Variants in CHDH observed in about 807,000 individuals in gnomAD.
CHDH encodes the protein choline dehydrogenase, mitochondrial.
CHDH carries 43 observed loss-of-function variants against 56.9 expected under a neutral mutation model. That is an observed-to-expected ratio of 0.76 (90% CI 0.59 to 0.97). The LOEUF is 0.97. Ranked by LOEUF, CHDH falls within the 50% of genes least tolerant of loss-of-function variation. CHDH has a pLI of 0.00. For synonymous variants in CHDH, 364 were observed against 348.5 expected (o/e 1.04, Z -0.50); for missense variants, 816 against 821.1 (o/e 0.99, Z 0.08).
Position 53,818,160 on chromosome 3 carries a change from G to A in CHDH, c.1402C>T (p.Leu468Phe), listed in dbSNP as rs1345285791. 1 of 1,612,746 alleles carries A rather than the reference G, an allele frequency of 6.2e-7. No individual in the cohort carries two copies. The highest frequency in any genetic ancestry group is 1.7e-5 in the Admixed American group (1 of 59,774). Residue 468 changes from leucine (L) to phenylalanine (F), a missense_variant, in exon 9 of 9, where the codon CTC becomes TTC. Coordinates refer to ENST00000315251, the MANE Select transcript of CHDH (RefSeq NM_018397.5). ...DIEDFRLCVK[L>F]TREIFAQEAL... ...TCCTGTGCAAAAATTTCTCTGGTGA[G>A]CTTCACACACAGACGGAAATCCTCA...
In CHDH at chr3:53,815,364, T is replaced by G. The variant is rs1347013286; in HGVS notation, c.*2413A>C. 2 of 152,244 alleles carry G rather than the reference T, an allele frequency of 1.3e-5. No individual in the cohort carries two copies. Among genetic ancestry groups the G allele is most frequent in the African/African-American group, 4.8e-5 (2 of 41,440 alleles). 9.4% of individuals were successfully genotyped at this position (152,244 alleles called of 1,614,324 possible). A position where few individuals can be genotyped will look rare whatever the true frequency, so the allele number is the denominator to read the frequency against. On this transcript the variant is annotated 3_prime_UTR_variant, in exon 9 of 9. Coordinates refer to ENST00000315251, the MANE Select transcript of CHDH (RefSeq NM_018397.5). ...CACCCCACTTTGTAGCAAGTGCCTT[T>G]CTCCCCCATGCTGGCTTCCTCAGGT...
At chr3:53,825,633 AAGAG>A (rs1048142809) in intron 2 of CHDH, among the ~76,000 whole-genome samples, 3 of 152,172 alleles carry the variant, frequency 2.0e-5, no homozygotes, top group African/African-American at 7.2e-5. Flanking sequence ...AGGCGGAAAG[AAGAG>A]ACAGAGAACA....
At chr3:53,846,023 C>G in intron 1 of CHDH, 60 bp downstream of exon 1, 1 of 152,274 alleles carries the variant, frequency 6.6e-6, no homozygotes, top group Non-Finnish European at 1.5e-5. Context: ...CAGGCCTCTC[C>G]GGGCTAGCGG....
rs2095608551 is a variant in CHDH, at chr3:53,813,214, CT to C, written c.*4562del. The stretch of plus-strand genomic sequence containing the variant: ...CAAACCTCTTCTTAAGACATTCTTA[CT>C]CTGATCCAGGCAAAAACACTTCAAG... On this transcript the variant is annotated 3_prime_UTR_variant, in exon 9 of 9. Transcript: ENST00000315251. 5 of 144,800 alleles carry C rather than the reference CT, an allele frequency of 3.5e-5. No homozygotes were observed. The allele number at this position is 144,800 out of a possible 1,614,324, so 9.0% of individuals were successfully genotyped here. A position where few individuals can be genotyped will look rare whatever the true frequency, so the allele number is the denominator to read the frequency against.
Position 53,819,743 on chromosome 3 carries a change from T to C in CHDH, c.1121-69A>G. 1 of 1,463,336 alleles carries C rather than the reference T, an allele frequency of 6.8e-7. No homozygotes were observed. 90.6% of individuals were successfully genotyped at this position (1,463,336 alleles called of 1,614,324 possible). A position where few individuals can be genotyped will look rare whatever the true frequency, so the allele number is the denominator to read the frequency against. On this transcript the variant is annotated intron_variant, in intron 6 of 8. Transcript: ENST00000315251. The surrounding 1 kb of genome is among the most constrained non-coding windows in gnomAD (Gnocchi z 5.4). ...TGGCAGGTGGGCCGGCTGCTCCTGG[T>C]TTCCCTCCTTTCTCCTGGCCGCTCC...
intron 1 of CHDH, among the ~76,000 whole-genome samples, chr3:53,842,943 G>A (rs59821827): frequency 0.054 from 8,234 of 152,254 alleles, 759 homozygotes; most frequent in African/African-American, 0.19. Context: ...TGCCAGAAAC[G>A]GCTCACTCTT....
chr3:53,820,365 C>T, intron 6 of CHDH, 109 bp downstream of exon 6: 2 of 1,318,484 alleles, frequency 1.5e-6, no homozygotes, highest in African/African-American at 1.5e-5. Context: ...AGGTAAATGG[C>T]ATAGTTCCGC....
At chr3:53,824,539 G>C (rs900013360) in intron 2 of CHDH, among the ~76,000 whole-genome samples, 6 of 152,166 alleles carry the variant, frequency 3.9e-5, no homozygotes, top group Non-Finnish European at 8.8e-5. Flanking sequence ...TTAGGGCCTG[G>C]GAAAAGGACA....
chr3:53,819,385 C>T lies in CHDH; in HGVS notation c.1263+147G>A. The T allele has an allele frequency of 9.4e-7, 1 of 1,065,456 alleles. No individual in the cohort carries two copies. The highest frequency in any genetic ancestry group is 1.4e-6 in the Non-Finnish European group (1 of 731,886). 66.0% of individuals were successfully genotyped at this position (1,065,456 alleles called of 1,614,324 possible). A position where few individuals can be genotyped will look rare whatever the true frequency, so the allele number is the denominator to read the frequency against. ...GCACCACGCAGACTGACACGCTGGG[C>T]AGCTGGAAGGCAGGGGACAGGCCTC... On this transcript the variant is annotated intron_variant, in intron 7 of 8. Coordinates refer to ENST00000315251, the MANE Select transcript of CHDH (RefSeq NM_018397.5). This position sits in a 1 kb window ranked among gnomAD's most constrained non-coding sequence, Gnocchi z 5.4.
At position 53,846,401 on chromosome 3, in the gene CHDH, C is replaced by G. The variant is rs1165888551; in HGVS notation, c.-449G>C. ...CAGCGCTCGGACACGGCCCATCCCT[C>G]CGAGCCCCAGCAGGCGAGGGCGCTG... On this transcript the variant is annotated 5_prime_UTR_variant, in exon 1 of 9. Coordinates refer to ENST00000315251, the MANE Select transcript of CHDH (RefSeq NM_018397.5). 1.2e-5 allele frequency: 7 copies of G among 566,878 alleles called. No individual in the cohort carries two copies. Among genetic ancestry groups the G allele is most frequent in the Non-Finnish European group, 2.0e-5 (7 of 342,674 alleles). 35.1% of individuals were successfully genotyped at this position (566,878 alleles called of 1,614,324 possible).
intron 2 of CHDH, among the ~76,000 whole-genome samples, chr3:53,837,286 G>A (rs548421459): frequency 1.3e-5 from 2 of 152,342 alleles, no homozygotes; most frequent in East Asian, 3.9e-4. Flanking sequence ...ATTAACAACT[G>A]AATTGGAAAC....
At chr3:53,820,674 C>T in intron 5 of CHDH, 66 bp from the exon 6 acceptor site, 2 of 1,553,060 alleles carry the variant, frequency 1.3e-6, no homozygotes, top group South Asian at 1.2e-5. Flanking sequence ...TCAATATCCC[C>T]CCGGTTTTGA....
rs781161354 is a variant in CHDH at position 53,822,993 on chromosome 3, C to T, written c.703+313G>A. 6.9e-4 allele frequency among the ~76,000 whole-genome samples: 105 copies of T among 152,152 alleles called. 2 individuals are homozygous for T. Among genetic ancestry groups the T allele is most frequent in the Non-Finnish European group, 2.6e-4 (18 of 68,024 alleles). ...GAGCAAGGCCCTTCACCACTCTGTG[C>T]CTCAGTTTCCCCATGTGCAAGTCCC... On this transcript the variant is annotated intron_variant, in intron 3 of 8. Coordinates refer to ENST00000315251, the MANE Select transcript of CHDH (RefSeq NM_018397.5).
At chr3:53,823,201 G>A in intron 3 of CHDH, 105 bp downstream of exon 3, 1 of 1,073,080 alleles carries the variant, frequency 9.3e-7, no homozygotes, top group Non-Finnish European at 1.3e-6. Flanking sequence ...GTCTGCCCAT[G>A]CCTCCTGACC....
chr3:53,821,611 GAC>G (rs779131294), intron 5 of CHDH, 34 bp downstream of exon 5: 37 of 1,597,266 alleles, frequency 2.3e-5, no homozygotes, highest in Non-Finnish European at 2.9e-5. Flanking sequence ...GTTGAGCAGA[GAC>G]AGCCTCTGGG....
In CHDH at chr3:53,822,651, T is replaced by C. The variant is rs1298000726; in HGVS notation, c.704-9A>G. On this transcript the variant is annotated splice_polypyrimidine_tract_variant and intron_variant, in intron 3 of 8. Transcript: ENST00000315251. ...CGCGCTCCACCGTTTGCCTGCAGGA[T>C]GGAGTGAGGTGGTCAGGCATGGCTC... The C allele has an allele frequency of 5.0e-6, 8 of 1,604,490 alleles. No individual in the cohort carries two copies. Among genetic ancestry groups the C allele is most frequent in the Non-Finnish European group, 6.8e-6 (8 of 1,177,818 alleles).
chr3:53,833,974 T>G (rs1242634844), intron 2 of CHDH, among the ~76,000 whole-genome samples: 1 of 152,206 alleles, frequency 6.6e-6, no homozygotes, highest in South Asian at 2.1e-4. Context: ...AGGCAAGGCT[T>G]TGGTCAACTT....
intron 2 of CHDH, among the ~76,000 whole-genome samples, chr3:53,828,089 A>G (rs6804251): frequency 0.45 from 67,729 of 151,688 alleles, 17,727 homozygotes; most frequent in South Asian, 0.59. Context: ...TAGCCAACTG[A>G]TCTTTGACAA....
At chr3:53,840,125 A>T (rs1174761813) in intron 2 of CHDH, among the ~76,000 whole-genome samples, 3 of 152,210 alleles carry the variant, frequency 2.0e-5, no homozygotes, top group Admixed American at 1.3e-4. Flanking sequence ...ATATACAGTT[A>T]GATAGAAGAA....
Sources: gnomAD v4.1 joint callset for allele counts (sites outside exome capture counted in the v4.1 genomes callset) on GRCh38, gnomAD v4.1.1 for gene constraint, Gnocchi (gnomAD v3.1) non-coding constraint, MANE v1.5 for transcripts, NCBI Gene and HGNC (gene_info 2026-07-23, HGNC 2026-07-21) for gene names.